Variants in EPB41L5 observed in about 807,000 individuals in gnomAD.
The protein encoded by EPB41L5 is erythrocyte membrane protein band 4.1 like 5.
A neutral mutation model predicts 106.6 loss-of-function variants in EPB41L5; 55 were observed. The observed-to-expected ratio is 0.52, with a 90% CI of 0.42 to 0.65. EPB41L5 has a LOEUF of 0.65. EPB41L5 is among the 30% of genes least tolerant of loss of function. EPB41L5 has a pLI of 0.00. For missense variants in EPB41L5, 871 were observed against 882.1 expected, an observed-to-expected ratio of 0.99 and a Z score of 0.16; for synonymous variants, 297 against 306.7, an observed-to-expected ratio of 0.97 and a Z score of 0.33.
At chr2:120,082,291 C>A (rs1017600841) in intron 10 of EPB41L5, among the ~76,000 whole-genome samples, 1 of 152,100 alleles carries the variant, frequency 6.6e-6, no homozygotes, top group Admixed American at 6.5e-5. Flanking sequence ...CCCATCAATA[C>A]CTAATTTATT....
chr2:120,106,036 A>G, intron 16 of EPB41L5: 2 of 984,984 alleles, frequency 2.0e-6, no homozygotes, highest in Non-Finnish European at 2.4e-6. Flanking sequence ...CCCCATATAT[A>G]TCTTAGCAGA....
intron 3 of EPB41L5, among the ~76,000 whole-genome samples, chr2:120,052,916 C>G (rs1680385472): frequency 6.6e-6 from 1 of 152,028 alleles, no homozygotes; most frequent in Admixed American, 6.5e-5. Flanking sequence ...TTTTTTTTCT[C>G]TTTCCATATT....
In EPB41L5 at chr2:120,056,667, T is replaced by C. The variant is rs543153601; in HGVS notation, c.285+14557T>C. ...TAAAGGATATTAGTCTGTAGTTTTC[T>C]TGTGACTTTTTTTTTTTTTCTGGTT... is the stretch of plus-strand genomic sequence containing the variant. On this transcript the variant is annotated intron_variant, in intron 3 of 24. Coordinates refer to ENST00000263713, the MANE Select transcript of EPB41L5 (RefSeq NM_020909.4). 5.9e-3 allele frequency among the ~76,000 whole-genome samples: 512 copies of C among 86,270 alleles called. 16 individuals carry two copies. The highest frequency in any genetic ancestry group is 8.0e-4 in the Non-Finnish European group (37 of 46,082). The allele number at this position is 86,270 out of a possible 152,430, so 56.6% of individuals were successfully genotyped here.
At chr2:120,070,099 G>C (rs1276270060) in intron 3 of EPB41L5, among the ~76,000 whole-genome samples, 1 of 152,034 alleles carries the variant, frequency 6.6e-6, no homozygotes, top group Non-Finnish European at 1.5e-5. Context: ...GGCTAATAAA[G>C]AAGAAAATAG....
At chr2:120,142,820 T>C (rs1042935277) in intron 18 of EPB41L5, among the ~76,000 whole-genome samples, 183 bp from the exon 19 acceptor site, 2 of 152,176 alleles carry the variant, frequency 1.3e-5, no homozygotes, top group African/African-American at 2.4e-5. Context: ...GCTGTTCCTT[T>C]TAAATCCAGA....
intron 13 of EPB41L5, 54 bp from the exon 14 acceptor site, chr2:120,093,195 C>T (rs1243174382): frequency 2.1e-6 from 3 of 1,425,506 alleles, no homozygotes; most frequent in African/African-American, 2.8e-5. Flanking sequence ...AATAGTGCAG[C>T]AGTTTATCAT....
chr2:120,082,443 C>T (rs915546491), intron 10 of EPB41L5, among the ~76,000 whole-genome samples: 15 of 152,096 alleles, frequency 9.9e-5, no homozygotes, highest in Admixed American at 1.3e-4. Context: ...AGCCTTGCGT[C>T]CCAGGGATGA....
At chr2:120,055,158 C>T (rs781607944) in intron 3 of EPB41L5, among the ~76,000 whole-genome samples, 4 of 150,728 alleles carry the variant, frequency 2.7e-5, no homozygotes, top group Non-Finnish European at 5.9e-5. Context: ...CCACCATGCC[C>T]GGCCTGTTCC....
rs1032738196 is a variant in EPB41L5, at chr2:120,099,727, A to G, written c.1179-517A>G. 2.6e-5 allele frequency among the ~76,000 whole-genome samples: 4 copies of G among 152,126 alleles called. No individual in the cohort carries two copies. The East Asian group carries it at 7.7e-4, about 29-fold the overall frequency. On this transcript the variant is annotated intron_variant, in intron 14 of 24. Transcript: ENST00000263713. ...AGGCGTGAGCCACCATGCCTGGCCT[A>G]AACTGAAAATTTTAGAACGTGTTTA...
intron 16 of EPB41L5, among the ~76,000 whole-genome samples, chr2:120,107,923 C>T (rs1236336517): frequency 6.6e-6 from 1 of 152,176 alleles, no homozygotes. Context: ...TTGCTTTGAG[C>T]ACTTTGGGCT....
At chr2:120,147,368 C>T (rs1169317261) in intron 20 of EPB41L5, among the ~76,000 whole-genome samples, 3 of 151,872 alleles carry the variant, frequency 2.0e-5, no homozygotes, top group South Asian at 2.1e-4. Flanking sequence ...GGGGCCAGGC[C>T]GTGGTGGCTC....
At chr2:120,150,225 A>G (rs1183948873) in intron 20 of EPB41L5, among the ~76,000 whole-genome samples, 2 of 152,010 alleles carry the variant, frequency 1.3e-5, no homozygotes, top group South Asian at 4.1e-4. Context: ...GCATTTCTCT[A>G]ATGATTAAGA....
At chr2:120,037,279 G>C (rs1679097614) in intron 2 of EPB41L5, among the ~76,000 whole-genome samples, 1 of 152,094 alleles carries the variant, frequency 6.6e-6, no homozygotes, top group South Asian at 2.1e-4. Context: ...TAAGAAGGAA[G>C]ATATCCCACG....
chr2:120,082,410 T>C (rs1682737702), intron 10 of EPB41L5, among the ~76,000 whole-genome samples: 2 of 152,232 alleles, frequency 1.3e-5, no homozygotes, highest in African/African-American at 4.8e-5. Context: ...GGATTACATT[T>C]ATTGATTGGC....
At chr2:120,045,883 C>T (rs1679737033) in intron 3 of EPB41L5, among the ~76,000 whole-genome samples, 1 of 151,568 alleles carries the variant, frequency 6.6e-6, no homozygotes. Flanking sequence ...TGTTCAGTTC[C>T]CACCTATGAG....
At position 120,077,344 on chromosome 2, in the gene EPB41L5, A is replaced by G. The variant is rs1682318280; in HGVS notation, c.714+28A>G. On this transcript the variant is annotated intron_variant, in intron 9 of 24. Transcript: ENST00000263713. ...AAGCATTGTGTTGTGATGCTTTTTT[A>G]AAAATTTATTCTTTGGAGGTTCGCA... 3.8e-6 allele frequency: 6 copies of G among 1,583,254 alleles called. No individual in the cohort carries two copies. In the East Asian group the frequency reaches 6.7e-5, roughly 18 times the overall value.
At chr2:120,167,304 G>C (rs1175613532) in intron 22 of EPB41L5, among the ~76,000 whole-genome samples, 162 bp from the exon 23 acceptor site, 1 of 152,134 alleles carries the variant, frequency 6.6e-6, no homozygotes, top group Non-Finnish European at 1.5e-5. Flanking sequence ...TAACAGAAAA[G>C]GGTCTTGGAT....
chr2:120,117,486 G>A (rs1444668268), intron 16 of EPB41L5, among the ~76,000 whole-genome samples: 2 of 152,088 alleles, frequency 1.3e-5, no homozygotes, highest in Non-Finnish European at 2.9e-5. Context: ...TCTAGATATT[G>A]CCTGACTCTC....
chr2:120,066,321 TAC>T (rs1681441437), intron 3 of EPB41L5, among the ~76,000 whole-genome samples: 1 of 152,208 alleles, frequency 6.6e-6, no homozygotes. Context: ...ACATTATTAT[TAC>T]AGATTATCTC....
Sources: gnomAD v4.1 joint callset for allele counts (sites outside exome capture counted in the v4.1 genomes callset) on GRCh38, gnomAD v4.1.1 for gene constraint, MANE v1.5 for transcripts, NCBI Gene and HGNC (gene_info 2026-07-23, HGNC 2026-07-21) for gene names.